PYGB: variants seen among roughly 807,000 people sequenced by gnomAD.
The protein encoded by PYGB is glycogen phosphorylase B.
Under a neutral mutation model 94.3 loss-of-function variants are expected in PYGB, and 82 were observed. That is an observed-to-expected ratio of 0.87 (90% confidence interval 0.73 to 1.04). PYGB has a LOEUF of 1.04. Ranked by LOEUF, PYGB falls within the 50% of genes least tolerant of loss-of-function variation. The pLI, the probability that PYGB is intolerant of heterozygous loss-of-function variation, is 0.00. For synonymous variants in PYGB, 488 were observed against 479.1 expected (o/e 1.02, Z -0.24); for missense variants, 1,132 against 1,158.2 (o/e 0.98, Z 0.33).
intron 11 of PYGB, among the ~76,000 whole-genome samples, chr20:25,281,720 C>T (rs903168934): frequency 6.6e-6 from 1 of 152,214 alleles, no homozygotes; most frequent in East Asian, 1.9e-4. Context: ...TGAAGTCCTG[C>T]GGTCTCGGCT....
intron 12 of PYGB, among the ~76,000 whole-genome samples, chr20:25,282,689 G>A (rs537719258): frequency 2.0e-5 from 3 of 152,322 alleles, no homozygotes; most frequent in East Asian, 3.9e-4. Context: ...GCTGGGGGAC[G>A]GGCCCCTGGG....
chr20:25,296,896 G>A lies in PYGB; in HGVS notation c.*374G>A. 5.2e-6 allele frequency: 1 copy of A among 194,172 alleles called. No homozygotes were observed. The highest frequency in any genetic ancestry group is 1.1e-5 in the Non-Finnish European group (1 of 94,160). 12.0% of individuals were successfully genotyped at this position (194,172 alleles called of 1,614,324 possible). On this transcript the variant is annotated 3_prime_UTR_variant, in exon 20 of 20. Transcript: ENST00000216962. ...TTTAGTGTTGAGCCTCTGGATTCTGGGGTCTGGGCCAGTGGCCATAGTGAA... is the reference window on the plus strand; with the variant it reads ...TTTAGTGTTGAGCCTCTGGATTCTGAGGTCTGGGCCAGTGGCCATAGTGAA...
At chr20:25,263,150 C>A (rs1186735389) in intron 2 of PYGB, among the ~76,000 whole-genome samples, 2 of 152,218 alleles carry the variant, frequency 1.3e-5, no homozygotes, top group African/African-American at 4.8e-5. Context: ...CACCCCAAAT[C>A]AACAAAATAT....
At chr20:25,278,596 T>C in intron 8 of PYGB, 134 bp downstream of exon 8, 2 of 1,294,792 alleles carry the variant, frequency 1.5e-6, no homozygotes, top group Non-Finnish European at 2.1e-6. Context: ...CTCGTCATTC[T>C]GGGCCAGGAT....
At chr20:25,293,635 GCTT>G (rs1383759746) in intron 17 of PYGB, among the ~76,000 whole-genome samples, 6 of 152,166 alleles carry the variant, frequency 3.9e-5, no homozygotes, top group Admixed American at 6.5e-5. Flanking sequence ...CCCTCACACA[GCTT>G]CTTCTGCCCG....
intron 16 of PYGB, among the ~76,000 whole-genome samples, chr20:25,291,022 C>T (rs569574060): frequency 6.6e-6 from 1 of 152,120 alleles, no homozygotes; most frequent in East Asian, 1.9e-4. Flanking sequence ...TCCTCCTGCC[C>T]CTCAGCCGTG....
chr20:25,258,902 AG>A (rs2092907774), intron 1 of PYGB, among the ~76,000 whole-genome samples: 1 of 152,266 alleles, frequency 6.6e-6, no homozygotes, highest in Non-Finnish European at 1.5e-5. Flanking sequence ...GGCTGAGCTA[AG>A]TGCAGACCTG....
rs777782398 is a variant in PYGB at position 25,280,957 on chromosome 20, C to T, written c.1248C>T (p.Ala416=). The change falls in exon 11 of 20, where the codon GCC becomes GCT. Residue 416 remains alanine (A), a synonymous_variant. Coordinates refer to ENST00000216962, the MANE Select transcript of PYGB (RefSeq NM_002862.4). ...CTGTGTTTTGGCACCAGCACGTGGC[C>T]GCGCTGTTTCCCGGCGATGTGGACC... ...AINQRHLDHV[A]ALFPGDVDRL... is the part of the protein sequence containing the mutation. 15 of 1,613,776 alleles carry T rather than the reference C, an allele frequency of 9.3e-6. No individual in the cohort carries two copies. The highest frequency in any genetic ancestry group is 3.3e-5 in the South Asian group (3 of 91,068).
chr20:25,253,664 A>AC (rs2092894765), intron 1 of PYGB, among the ~76,000 whole-genome samples: 1 of 151,816 alleles, frequency 6.6e-6, no homozygotes, highest in Non-Finnish European at 1.5e-5. Flanking sequence ...AAATAAGGTA[A>AC]CCGACCTCAC....
rs202044191 is a variant in PYGB at position 25,292,580 on chromosome 20, G to A, written c.2144G>A (p.Arg715Gln). 9.9e-6 allele frequency: 16 copies of A among 1,612,822 alleles called. No homozygotes were observed. The East Asian group carries it at 1.6e-4, about 16-fold the overall frequency. ...GAENLFIFGL[R>Q]VEDVEALDRK... Reference sequence around the variant, plus strand: ...GAGAACCTCTTCATCTTCGGCCTGCGGGTGGAGGATGTCGAGGCCTTGGAC... The same window carrying A: ...GAGAACCTCTTCATCTTCGGCCTGCAGGTGGAGGATGTCGAGGCCTTGGAC... The change falls in exon 17 of 20, where the codon CGG becomes CAG. Residue 715 changes from arginine to glutamine, a missense_variant. Coordinates refer to ENST00000216962, the MANE Select transcript of PYGB (RefSeq NM_002862.4).
Position 25,281,036 on chromosome 20 carries a change from G to A in PYGB, c.1327G>A (p.Ala443Thr). The A allele has an allele frequency of 6.2e-7, 1 of 1,614,196 alleles. No homozygotes were observed. Among genetic ancestry groups the A allele is most frequent in the Non-Finnish European group, 8.5e-7 (1 of 1,180,022 alleles). The change falls in exon 11 of 20, where the codon GCC becomes ACC. Residue 443 changes from alanine to threonine, a missense_variant. By Grantham distance (58) the Ala-to-Thr change is moderately conservative (BLOSUM62 0). Coordinates refer to ENST00000216962, the MANE Select transcript of PYGB (RefSeq NM_002862.4). Reference sequence around the variant, plus strand: ...GGGGGACTGCAAGCGGATCAACATGGCCCACCTGTGTGTGATTGGGTCCCA... The same window carrying A: ...GGGGGACTGCAAGCGGATCAACATGACCCACCTGTGTGTGATTGGGTCCCA... ...EEGDCKRINMAHLCVIGSHAV... is the reference protein window; with the variant it reads ...EEGDCKRINMTHLCVIGSHAV...
intron 17 of PYGB, among the ~76,000 whole-genome samples, chr20:25,292,947 C>T (rs1223535502): frequency 6.6e-6 from 1 of 152,072 alleles, no homozygotes; most frequent in Non-Finnish European, 1.5e-5. Flanking sequence ...CCCCTGGGCA[C>T]AGGCAGCCCC....
rs138987217 is a variant in PYGB at position 25,255,367 on chromosome 20, G to A, written c.244-3870G>A. Among the ~76,000 whole-genome samples, 928 of 152,358 alleles carry A rather than the reference G, an allele frequency of 6.1e-3. 3 individuals carry two copies. Among genetic ancestry groups the A allele is most frequent in the South Asian group, 0.03 (147 of 4,830 alleles). On this transcript the variant is annotated intron_variant, in intron 1 of 19. Coordinates refer to ENST00000216962, the MANE Select transcript of PYGB (RefSeq NM_002862.4). ...CTCAGCTCACCAGCAGGAGCCAGCAGGTCCAGCCCAGGGAGGTGGCCCCTT... is the reference window on the plus strand; with the variant it reads ...CTCAGCTCACCAGCAGGAGCCAGCAAGTCCAGCCCAGGGAGGTGGCCCCTT...
rs776369883 is a variant in PYGB, at chr20:25,277,345, C to T, written c.855+19C>T. The T allele has an allele frequency of 1.3e-6, 2 of 1,532,530 alleles. No individual in the cohort carries two copies. The highest frequency in any genetic ancestry group is 1.8e-6 in the Non-Finnish European group (2 of 1,106,026). 94.9% of individuals were successfully genotyped at this position (1,532,530 alleles called of 1,614,324 possible). The stretch of plus-strand genomic sequence containing the variant: ...TGATAACGTGAGTAGCTGGCCTGGG[C>T]ACTCTTGCTCAGGCCGTATCGCTTT... On this transcript the variant is annotated intron_variant, in intron 7 of 19. Transcript: ENST00000216962.
chr20:25,258,354 T>C (rs2092906765), intron 1 of PYGB, among the ~76,000 whole-genome samples: 1 of 152,156 alleles, frequency 6.6e-6, no homozygotes, highest in South Asian at 2.1e-4. Flanking sequence ...CACCCCACCC[T>C]CAAGGTGGCA....
intron 2 of PYGB, among the ~76,000 whole-genome samples, chr20:25,262,190 A>T (rs918855724): frequency 6.6e-6 from 1 of 152,212 alleles, no homozygotes; most frequent in Admixed American, 6.5e-5. Context: ...GATTCACCAA[A>T]GTTGAAATGA....
intron 3 of PYGB, among the ~76,000 whole-genome samples, chr20:25,269,936 A>G (rs2088251195): frequency 6.6e-6 from 1 of 152,032 alleles, no homozygotes. Context: ...CTCCATGGCC[A>G]GATATGAGTA....
At chr20:25,280,838 G>C in intron 10 of PYGB, 111 bp from the exon 11 acceptor site, 1 of 1,392,020 alleles carries the variant, frequency 7.2e-7, no homozygotes, top group South Asian at 1.3e-5. Context: ...CTTCCCTGGA[G>C]GCAGCAGAGC....
At chr20:25,250,687 T>A (rs1352391055) in intron 1 of PYGB, among the ~76,000 whole-genome samples, 4 of 152,202 alleles carry the variant, frequency 2.6e-5, no homozygotes, top group Non-Finnish European at 5.9e-5. Context: ...ATAACTGCTG[T>A]GCCTCCCCCT....
Sources: allele counts gnomAD v4.1 joint callset (sites outside exome capture counted in the v4.1 genomes callset), GRCh38; gene constraint gnomAD v4.1.1; transcripts MANE v1.5; gene names NCBI Gene and HGNC (gene_info 2026-07-23, HGNC 2026-07-21).